Variants in MPP1 observed in about 807,000 individuals in gnomAD.
The protein encoded by MPP1 is 55 kDa erythrocyte membrane protein.
Under a neutral mutation model 38.2 loss-of-function variants are expected in MPP1, and 6 were observed. The ratio of observed to expected loss-of-function variants is 0.16; its 90% CI spans 0.09 to 0.31. MPP1 has a LOEUF of 0.31. MPP1 is among the 10% of genes least tolerant of loss of function. The probability of loss-of-function intolerance (pLI) is 1.00; values close to 1 mark genes in which losing one functional copy is unlikely to be tolerated. For missense variants in MPP1, 293 were observed against 368.9 expected (o/e 0.79, Z 1.69); for synonymous variants, 153 against 146.3 (o/e 1.05, Z -0.33).
intron 4 of MPP1, 83 bp downstream of exon 4, chrX:154,790,900 G>T: frequency 1.2e-6 from 1 of 832,899 alleles, no homozygotes; most frequent in South Asian, 2.5e-5. Context: ...TACTTTGACA[G>T]AGAGATGAGG....
intron 11 of MPP1, 138 bp from the exon 12 acceptor site, chrX:154,779,491 T>A: frequency 1.8e-6 from 1 of 564,054 alleles, no homozygotes; most frequent in African/African-American, 2.3e-5. Context: ...GAAGACATTG[T>A]GAAAGAATGT....
intron 1 of MPP1, among the ~76,000 whole-genome samples, chrX:154,802,343 G>A: frequency 8.9e-6 from 1 of 112,000 alleles, no homozygotes; most frequent in Non-Finnish European, 1.9e-5. Flanking sequence ...AAACAACACT[G>A]CGTCACACTC....
Position 154,805,366 on chromosome X carries a change from A to G in MPP1, c.8T>C (p.Leu3Pro). Residue 3 changes from leucine to proline, a missense_variant, in exon 1 of 12, where the codon CTC becomes CCC. Leu to Pro is a moderately conservative substitution (Grantham distance 98, BLOSUM62 -3). Coordinates refer to ENST00000369534, the MANE Select transcript of MPP1 (RefSeq NM_002436.4). MT[L>P]KASEGESGGS... ...CCCACTCTCGCCCTCGCTCGCCTTG[A>G]GGGTCATCTCGCAGAAGCTGGAACA... 1 of 1,197,216 alleles carries G rather than the reference A, an allele frequency of 8.4e-7. No individual in the cohort carries two copies. Among genetic ancestry groups the G allele is most frequent in the Non-Finnish European group, 1.1e-6 (1 of 887,322 alleles).
intron 1 of MPP1, among the ~76,000 whole-genome samples, chrX:154,802,836 G>C (rs993383167): frequency 1.8e-5 from 2 of 112,503 alleles, no homozygotes; most frequent in African/African-American, 6.5e-5. Flanking sequence ...TGAATCGGTA[G>C]CCTTTTTCCA....
In MPP1 at chrX:154,791,734, T is replaced by C. The variant is rs782074032; in HGVS notation, c.325+35A>G. ...GAACAGGGAGTAAATTATTAATCCC[T>C]GAATCAAACCCCACCCAGAGCTCCC... On this transcript the variant is annotated intron_variant, in intron 3 of 11. Coordinates refer to ENST00000369534, the MANE Select transcript of MPP1 (RefSeq NM_002436.4). 6 of 1,151,204 alleles carry C rather than the reference T, an allele frequency of 5.2e-6. No homozygotes were observed. The South Asian group carries it at 9.1e-5, about 17-fold the overall frequency. 94.9% of individuals were successfully genotyped at this position (1,151,204 alleles called of 1,213,427 possible). A position where few individuals can be genotyped will look rare whatever the true frequency, so the allele number is the denominator to read the frequency against.
intron 1 of MPP1, among the ~76,000 whole-genome samples, chrX:154,798,880 A>G (rs955774747): frequency 2.7e-5 from 3 of 110,908 alleles, no homozygotes; most frequent in African/African-American, 6.6e-5. Flanking sequence ...GATTACAGGC[A>G]TGCACCACCA....
chrX:154,796,882 T>C (rs1430287241), intron 1 of MPP1, among the ~76,000 whole-genome samples: 1 of 110,149 alleles, frequency 9.1e-6, no homozygotes, highest in Non-Finnish European at 1.9e-5. Context: ...AAGGAGTGAA[T>C]GCATTACATA....
intron 1 of MPP1, among the ~76,000 whole-genome samples, chrX:154,801,253 A>G (rs1452710818): frequency 1.8e-5 from 2 of 112,547 alleles, no homozygotes; most frequent in Admixed American, 9.4e-5. Flanking sequence ...AAGTGTTAAC[A>G]GTGCCCAGGT....
chrX:154,796,105 C>CT (rs149231473), intron 1 of MPP1, among the ~76,000 whole-genome samples: 12,825 of 103,337 alleles, frequency 0.12, 764 homozygotes, highest in South Asian at 0.38. Flanking sequence ...ATTTCTTTCT[C>CT]TTTGTTTTTT....
chrX:154,803,313 C>G (rs782194906), intron 1 of MPP1, among the ~76,000 whole-genome samples: 4 of 112,676 alleles, frequency 3.6e-5, no homozygotes, highest in Non-Finnish European at 7.5e-5. Flanking sequence ...CAGCTGGATA[C>G]TATTTCATTC....
intron 1 of MPP1, among the ~76,000 whole-genome samples, chrX:154,795,414 G>C (rs2072184135): frequency 1.8e-5 from 2 of 110,785 alleles, no homozygotes; most frequent in African/African-American, 6.6e-5. Flanking sequence ...TGTGATGAAG[G>C]GTATACTAGC....
chrX:154,793,835 T>C (rs1252419160), intron 1 of MPP1, among the ~76,000 whole-genome samples: 4 of 111,925 alleles, frequency 3.6e-5, no homozygotes, highest in African/African-American at 1.3e-4. Context: ...TATAGCTATA[T>C]ATTTCTTCCC....
intron 6 of MPP1, 25 bp downstream of exon 6, chrX:154,786,179 T>C (rs1557267174): frequency 8.4e-7 from 1 of 1,187,952 alleles, no homozygotes; most frequent in Admixed American, 2.2e-5. Flanking sequence ...CACATGGCCC[T>C]TCCACCTGCA....
At chrX:154,791,120 G>A in intron 3 of MPP1, 52 bp from the exon 4 acceptor site, 1 of 1,041,986 alleles carries the variant, frequency 9.6e-7, no homozygotes, top group Non-Finnish European at 1.3e-6. Flanking sequence ...TCAAACAGGA[G>A]CTGTCAATGT....
rs368500350 is a variant in MPP1 at position 154,792,132 on chromosome X, G to C, written c.246+10C>G. On this transcript the variant is annotated intron_variant, in intron 2 of 11. Transcript: ENST00000369534. ...AGTAACTGGTGGGCGACAATATGAC[G>C]GGGGATTACCATGGGCTCTTCTGTG... 3.3e-6 allele frequency: 4 copies of C among 1,207,654 alleles called. No individual in the cohort carries two copies. In the South Asian group the frequency reaches 5.3e-5, roughly 16 times the overall value.
At chrX:154,786,895 CA>C (rs782470556) in intron 5 of MPP1, among the ~76,000 whole-genome samples, 55 of 25,592 alleles carry the variant, frequency 2.1e-3, no homozygotes, top group African/African-American at 0.011. Context: ...GACTCCGTCT[CA>C]AAAAAAAAAA....
At position 154,791,167 on chromosome X, in the gene MPP1, A is replaced by T; in HGVS notation, c.326-99T>A. On this transcript the variant is annotated intron_variant, in intron 3 of 11. Coordinates refer to ENST00000369534, the MANE Select transcript of MPP1 (RefSeq NM_002436.4). ...CCATAGAAGAGAAACCAGGATTTACAGCATGTTATGAAACAGATTGTGTCA... is the reference window on the plus strand; with the variant it reads ...CCATAGAAGAGAAACCAGGATTTACTGCATGTTATGAAACAGATTGTGTCA... 3 of 692,730 alleles carry T rather than the reference A, an allele frequency of 4.3e-6. 1 individual carries two copies. In the South Asian group the frequency reaches 7.5e-5, roughly 17 times the overall value. 57.1% of individuals were successfully genotyped at this position (692,730 alleles called of 1,213,427 possible). A position where few individuals can be genotyped will look rare whatever the true frequency, so the allele number is the denominator to read the frequency against.
intron 1 of MPP1, among the ~76,000 whole-genome samples, chrX:154,793,302 AC>A (rs1386914547): frequency 1.8e-5 from 2 of 112,324 alleles, no homozygotes; most frequent in Non-Finnish European, 3.8e-5. Context: ...GACAGGTATG[AC>A]ACAGCCTGAG....
At chrX:154,787,483 T>C (rs2072092281) in intron 5 of MPP1, among the ~76,000 whole-genome samples, 1 of 111,758 alleles carries the variant, frequency 8.9e-6, no homozygotes, top group South Asian at 3.7e-4. Flanking sequence ...ATCCCCTCAA[T>C]AGATGCAGAA....
Sources: allele counts gnomAD v4.1 joint callset (sites outside exome capture counted in the v4.1 genomes callset), GRCh38; gene constraint gnomAD v4.1.1; transcripts MANE v1.5; gene names NCBI Gene and HGNC (gene_info 2026-07-23, HGNC 2026-07-21).